The following RHPN2 variants were observed in gnomAD, a reference collection of about 807,000 sequenced individuals.
The protein encoded by RHPN2 is rhophilin Rho GTPase binding protein 2, also known as rhophilin-2.
RHPN2 carries 40 observed loss-of-function variants against 79.0 expected under a neutral mutation model. The ratio of observed to expected loss-of-function variants is 0.51; its 90% CI spans 0.39 to 0.66. The LOEUF is 0.66. RHPN2 is among the 30% of genes least tolerant of loss of function. The probability of loss-of-function intolerance (pLI) is 0.00; values close to 1 mark genes in which losing one functional copy is unlikely to be tolerated. For synonymous variants in RHPN2, 285 were observed against 363.5 expected (o/e 0.78, Z 2.46); for missense variants, 686 against 883.5 (o/e 0.78, Z 2.83).
intron 1 of RHPN2, among the ~76,000 whole-genome samples, chr19:33,053,074 C>T (rs56962280): frequency 0.024 from 3,627 of 151,536 alleles, 141 homozygotes; most frequent in African/African-American, 0.084. Context: ...CGGGTTCAAG[C>T]GATTCTCCTG....
rs570247453 is a variant in RHPN2, at chr19:33,055,871, G to A, written c.69+8913C>T. Among the ~76,000 whole-genome samples the A allele has an allele frequency of 3.8e-4, 58 of 152,150 alleles. 1 individual carries two copies. The South Asian group carries it at 9.5e-3, about 25-fold the overall frequency. ...CCCTGTCCAGGCTGGAGGTTTCTGT[G>A]AACAAGAAACAACTTCTCCTACAGC... On this transcript the variant is annotated intron_variant, in intron 1 of 14. Transcript: ENST00000254260.
chr19:33,060,497 T>C (rs1972270620), intron 1 of RHPN2, among the ~76,000 whole-genome samples: 1 of 151,998 alleles, frequency 6.6e-6, no homozygotes, highest in Admixed American at 6.6e-5. Context: ...AAAGAATGGG[T>C]GATTGAGGCT....
intron 4 of RHPN2, among the ~76,000 whole-genome samples, chr19:33,013,314 C>A (rs1971852005): frequency 6.6e-6 from 1 of 152,124 alleles, no homozygotes; most frequent in Admixed American, 6.6e-5. Context: ...CGTGCCTCAG[C>A]CTCCCAAGTA....
chr19:33,007,487 CATAAATAAATAAATAAATAAATAA>C (rs58950332), intron 7 of RHPN2, among the ~76,000 whole-genome samples: 1 of 148,094 alleles, frequency 6.8e-6, no homozygotes, highest in Non-Finnish European at 1.5e-5. Context: ...AACTCCATCT[CATAAATAAATAAATAAATAAATAA>C]ATAAATAAAT....
chr19:33,012,149 C>G (rs1971840521), intron 5 of RHPN2, among the ~76,000 whole-genome samples: 1 of 149,816 alleles, frequency 6.7e-6, no homozygotes, highest in African/African-American at 2.5e-5. Context: ...TCAAGTGATT[C>G]TCCTGCCTCA....
At chr19:33,064,342 G>C (rs901110670) in intron 1 of RHPN2, among the ~76,000 whole-genome samples, 7 of 152,062 alleles carry the variant, frequency 4.6e-5, no homozygotes, top group Admixed American at 4.6e-4. Context: ...ATATGAGACC[G>C]CCAACACGCC....
intron 11 of RHPN2, 63 bp from the exon 12 acceptor site, chr19:32,994,116 T>G: frequency 8.1e-7 from 1 of 1,228,158 alleles, no homozygotes; most frequent in Non-Finnish European, 1.2e-6. Flanking sequence ...ATCCTAATAG[T>G]CCAGTGTTGT....
At chr19:33,053,768 T>A (rs1972209055) in intron 1 of RHPN2, among the ~76,000 whole-genome samples, 1 of 152,012 alleles carries the variant, frequency 6.6e-6, no homozygotes, top group African/African-American at 2.4e-5. Flanking sequence ...TTTCACCATG[T>A]TGGCCAGGTT....
At chr19:33,001,415 G>C (rs1971748072) in intron 9 of RHPN2, among the ~76,000 whole-genome samples, 1 of 152,060 alleles carries the variant, frequency 6.6e-6, no homozygotes, top group Admixed American at 6.6e-5. Flanking sequence ...AGTGGCATGT[G>C]CCTGTATTCC....
intron 2 of RHPN2, among the ~76,000 whole-genome samples, chr19:33,031,243 CTAT>C (rs1972008863): frequency 2.6e-5 from 4 of 151,426 alleles, no homozygotes; most frequent in Non-Finnish European, 5.9e-5. Flanking sequence ...CTATTCTATT[CTAT>C]TCTATTCTAC....
intron 1 of RHPN2, among the ~76,000 whole-genome samples, chr19:33,060,970 C>T (rs1394251876): frequency 1.3e-5 from 2 of 152,178 alleles, no homozygotes; most frequent in African/African-American, 4.8e-5. Context: ...ATTCGCCACC[C>T]ATTCACCATT....
At position 33,021,643 on chromosome 19, in the gene RHPN2, C is replaced by T. The variant is rs764698709; in HGVS notation, c.318G>A (p.Glu106=). ...ISVGVYQNTE[E]AFTIPLIPLG... ...GAGGAATCAGGGGAATCGTAAATGCCTCCCTATGAGGAACACAACAAGGTA... is the reference window on the plus strand; with the variant it reads ...GAGGAATCAGGGGAATCGTAAATGCTTCCCTATGAGGAACACAACAAGGTA... The change falls in exon 4 of 15, where the codon GAG becomes GAA. Residue 106 remains glutamate (E), a synonymous_variant. Transcript: ENST00000254260. 1.9e-6 allele frequency: 3 copies of T among 1,613,440 alleles called. No homozygotes were observed. Among genetic ancestry groups the T allele is most frequent in the Non-Finnish European group, 2.5e-6 (3 of 1,179,438 alleles).
At chr19:32,990,809 C>G (rs1215072958) in intron 13 of RHPN2, 140 bp from the exon 14 acceptor site, 1 of 821,884 alleles carries the variant, frequency 1.2e-6, no homozygotes, top group Non-Finnish European at 2.0e-6. Context: ...ACGGGTAGAT[C>G]ACTTGAGGTC....
intron 4 of RHPN2, among the ~76,000 whole-genome samples, chr19:33,019,031 C>CAAAA (rs71301619): frequency 7.6e-5 from 8 of 105,272 alleles, no homozygotes; most frequent in East Asian, 2.4e-4. Flanking sequence ...AACTCCAGCT[C>CAAAA]AAAAAAAAAA....
chr19:33,031,881 G>T (rs1348936964), intron 2 of RHPN2, among the ~76,000 whole-genome samples: 2 of 151,618 alleles, frequency 1.3e-5, no homozygotes, highest in East Asian at 3.9e-4. Flanking sequence ...CACCACGCCC[G>T]GCTAATTTAT....
chr19:33,046,822 A>G (rs1172976004), intron 1 of RHPN2, among the ~76,000 whole-genome samples: 1 of 151,468 alleles, frequency 6.6e-6, no homozygotes, highest in African/African-American at 2.4e-5. Context: ...CCAACTGTAT[A>G]TCTTCTTCGA....
chr19:32,995,305 G>A (rs1971692264), intron 11 of RHPN2, among the ~76,000 whole-genome samples: 1 of 151,702 alleles, frequency 6.6e-6, no homozygotes, highest in South Asian at 2.1e-4. Flanking sequence ...TCAAACTCCT[G>A]AGCTCAAGTA....
chr19:33,021,726 CA>C (rs34594918), intron 3 of RHPN2, 80 bp from the exon 4 acceptor site: 463,772 of 1,043,744 alleles, frequency 0.44, 118,574 homozygotes, highest in African/African-American at 0.88. Flanking sequence ...CTCAGCAGCC[CA>C]AGCTCAGGTG....
chr19:33,045,593 C>A (rs753242910), intron 1 of RHPN2, among the ~76,000 whole-genome samples: 1 of 151,962 alleles, frequency 6.6e-6, no homozygotes, highest in Non-Finnish European at 1.5e-5. Context: ...CCTGCCTCAG[C>A]CTCCCGAGTA....
Sources: gnomAD v4.1 joint callset for allele counts (sites outside exome capture counted in the v4.1 genomes callset) on GRCh38, gnomAD v4.1.1 for gene constraint, MANE v1.5 for transcripts, NCBI Gene and HGNC (gene_info 2026-07-23, HGNC 2026-07-21) for gene names.